ANKS1B: variants seen among roughly 807,000 people sequenced by gnomAD.
ANKS1B encodes ankyrin repeat and sterile alpha motif domain-containing protein 1B.
In ANKS1B, 36 loss-of-function variants were observed where a neutral mutation model predicts 148.3. The observed-to-expected ratio is 0.24, with a 90% CI of 0.19 to 0.32. The LOEUF (loss-of-function observed/expected upper bound fraction) is 0.32, where lower values mean the gene tolerates loss of function less well. Ranked by LOEUF, ANKS1B falls within the 10% of genes least tolerant of loss-of-function variation. ANKS1B has a pLI of 1.00. For synonymous variants in ANKS1B, 542 were observed against 560.8 expected, an observed-to-expected ratio of 0.97 and a Z score of 0.47; for missense variants, 1,157 against 1,542.6, an observed-to-expected ratio of 0.75 and a Z score of 4.19.
chr12:98,747,013 AT>A (rs142958440), intron 26 of ANKS1B, among the ~76,000 whole-genome samples: 1 of 152,190 alleles, frequency 6.6e-6, no homozygotes, highest in Non-Finnish European at 1.5e-5. Flanking sequence ...CTGGATAAAG[AT>A]TTTTTGGGTA....
At chr12:99,310,217 T>C (rs1014691450) in intron 12 of ANKS1B, among the ~76,000 whole-genome samples, 3 of 152,134 alleles carry the variant, frequency 2.0e-5, no homozygotes, top group Non-Finnish European at 4.4e-5. Context: ...TAGGAAAATA[T>C]ACCCTGTATC....
intron 15 of ANKS1B, among the ~76,000 whole-genome samples, chr12:99,148,574 T>C (rs1026748177): frequency 3.9e-5 from 6 of 152,158 alleles, no homozygotes; most frequent in African/African-American, 1.4e-4. Flanking sequence ...TGTACTTGCC[T>C]CTTTAAAGAG....
At chr12:98,874,226 T>C (rs1018469225) in intron 17 of ANKS1B, among the ~76,000 whole-genome samples, 8 of 152,066 alleles carry the variant, frequency 5.3e-5, no homozygotes, top group African/African-American at 1.7e-4. Flanking sequence ...GTCTGCAATA[T>C]TGTGAGAGCA....
At chr12:98,771,321 C>T (rs1488331112) in intron 25 of ANKS1B, among the ~76,000 whole-genome samples, 1 of 151,708 alleles carries the variant, frequency 6.6e-6, no homozygotes, top group Non-Finnish European at 1.5e-5. Flanking sequence ...GTGTACACCA[C>T]CATGTCTGGC....
intron 8 of ANKS1B, among the ~76,000 whole-genome samples, chr12:99,707,767 C>T (rs1250849150): frequency 2.0e-5 from 3 of 152,020 alleles, no homozygotes; most frequent in East Asian, 3.9e-4. Flanking sequence ...AGCCATTTGA[C>T]TCTCTACCTA....
Position 98,744,778 on chromosome 12 carries a change from G to T in ANKS1B, c.*961C>A, listed in dbSNP as rs2097846422. ...ACAAGGTTTCCATGACAGAAATCTT[G>T]ACAGCAGGAGCACTAGATTTTTTTT... On this transcript the variant is annotated 3_prime_UTR_variant, in exon 27 of 27. Coordinates refer to ENST00000683438, the MANE Select transcript of ANKS1B (RefSeq NM_001352186.2). The T allele has an allele frequency of 3.1e-6, 3 of 981,958 alleles. No homozygotes were observed. Among genetic ancestry groups the T allele is most frequent in the Non-Finnish European group, 3.6e-6 (3 of 829,118 alleles). 60.8% of individuals were successfully genotyped at this position (981,958 alleles called of 1,614,324 possible). A position where few individuals can be genotyped will look rare whatever the true frequency, so the allele number is the denominator to read the frequency against.
intron 1 of ANKS1B, among the ~76,000 whole-genome samples, chr12:99,856,139 T>C (rs1377246626): frequency 6.6e-6 from 1 of 151,928 alleles, no homozygotes; most frequent in African/African-American, 2.4e-5. Flanking sequence ...GCTGGTTCTT[T>C]GAAAAGATAA....
In ANKS1B at chr12:99,857,847, A is replaced by G. The variant is rs559169348; in HGVS notation, c.135-32458T>C. Among the ~76,000 whole-genome samples the G allele has an allele frequency of 2.6e-5, 4 of 152,362 alleles. No homozygotes were observed. The East Asian group carries it at 7.7e-4, about 29-fold the overall frequency. On this transcript the variant is annotated intron_variant, in intron 1 of 26. Transcript: ENST00000683438. The stretch of plus-strand genomic sequence containing the variant: ...TTGACTAGCCACATGTAGGAGAATG[A>G]AACTGGATCCTTGTCTCTCACCTTA...
intron 9 of ANKS1B, among the ~76,000 whole-genome samples, chr12:99,601,776 A>T (rs1345685130): frequency 1.3e-5 from 2 of 152,040 alleles, no homozygotes; most frequent in African/African-American, 4.8e-5. Context: ...TAGAAATGAG[A>T]TTGGACAGAA....
intron 17 of ANKS1B, among the ~76,000 whole-genome samples, chr12:99,009,113 G>A (rs1456893363): frequency 6.6e-6 from 1 of 152,310 alleles, no homozygotes; most frequent in Admixed American, 6.5e-5. Context: ...CCTTATGGAG[G>A]AATTATGGAA....
intron 1 of ANKS1B, among the ~76,000 whole-genome samples, chr12:99,960,709 T>C (rs2095398892): frequency 6.6e-6 from 1 of 152,196 alleles, no homozygotes; most frequent in African/African-American, 2.4e-5. Context: ...GCGAAAATTT[T>C]CCAAATGGGT....
intron 9 of ANKS1B, among the ~76,000 whole-genome samples, chr12:99,578,339 C>T (rs2097538297): frequency 6.6e-6 from 1 of 151,916 alleles, no homozygotes; most frequent in African/African-American, 2.4e-5. Context: ...TTTATAACAG[C>T]ACTAAAGGTC....
intron 1 of ANKS1B, among the ~76,000 whole-genome samples, chr12:99,853,693 CT>C (rs1240492938): frequency 1.3e-5 from 2 of 152,212 alleles, no homozygotes; most frequent in Non-Finnish European, 2.9e-5. Context: ...TTCACACTAG[CT>C]CACCAGCAAT....
chr12:99,756,359 C>T lies in ANKS1B; in HGVS notation c.1128+16563G>A, dbSNP rs143011848. On this transcript the variant is annotated intron_variant, in intron 8 of 26. Coordinates refer to ENST00000683438, the MANE Select transcript of ANKS1B (RefSeq NM_001352186.2). Reference sequence around the variant, plus strand: ...AATAGCCACAAAAAGAATAAAATTCCTAGGAATACAGCTAACTAGGGAGGT... The same window carrying T: ...AATAGCCACAAAAAGAATAAAATTCTTAGGAATACAGCTAACTAGGGAGGT... 7.9e-3 allele frequency among the ~76,000 whole-genome samples: 1,208 copies of T among 152,044 alleles called. 17 individuals are homozygous for T. Among genetic ancestry groups the T allele is most frequent in the African/African-American group, 0.028 (1,149 of 41,482 alleles).
At chr12:98,739,086 G>C (rs2097786279), downstream of ANKS1B, among the ~76,000 whole-genome samples, 1 of 152,210 alleles carries the variant, frequency 6.6e-6, no homozygotes, top group African/African-American at 2.4e-5. Flanking sequence ...CAGATGCAGA[G>C]AGGTTAGGTT....
intron 1 of ANKS1B, among the ~76,000 whole-genome samples, chr12:99,926,034 C>A (rs1439424889): frequency 6.6e-6 from 1 of 152,092 alleles, no homozygotes; most frequent in Non-Finnish European, 1.5e-5. Context: ...AGATTGGTTG[C>A]CTATATATCC....
chr12:98,826,305 T>G (rs1165652779), intron 19 of ANKS1B, among the ~76,000 whole-genome samples: 1 of 152,206 alleles, frequency 6.6e-6, no homozygotes. Context: ...TTAAATATTG[T>G]TTCAAATTGA....
chr12:98,787,903 G>C (rs927319979), intron 22 of ANKS1B, among the ~76,000 whole-genome samples: 2 of 149,998 alleles, frequency 1.3e-5, no homozygotes, highest in African/African-American at 2.5e-5. Flanking sequence ...CTGGGTGACA[G>C]AGCGAGACTC....
intron 17 of ANKS1B, among the ~76,000 whole-genome samples, chr12:99,044,362 T>A (rs1173568731): frequency 6.7e-6 from 1 of 148,904 alleles, no homozygotes; most frequent in Non-Finnish European, 1.5e-5. Context: ...CTGACAGTTG[T>A]TACACAAAGC....
Sources: allele counts gnomAD v4.1 joint callset (sites outside exome capture counted in the v4.1 genomes callset), GRCh38; gene constraint gnomAD v4.1.1; transcripts MANE v1.5; gene names NCBI Gene and HGNC (gene_info 2026-07-23, HGNC 2026-07-21).